The following PRP4K variants were observed in gnomAD, a reference collection of about 807,000 sequenced individuals.
PRP4K encodes pre-mRNA processing factor kinase PRP4K, also known as serine/threonine-protein kinase PRP4 homolog.
the PRP4K span, among the ~76,000 whole-genome samples, chr6:4,023,618 C>G: frequency 2.6e-4 from 39 of 152,324 alleles, no homozygotes; most frequent in East Asian, 6.9e-3. Flanking sequence ...ACTAATTTCT[C>G]AAACCTGATT....
At chr6:4,030,389 G>A in the PRP4K span, among the ~76,000 whole-genome samples, 1 of 152,186 alleles carries the variant, frequency 6.6e-6, no homozygotes, top group South Asian at 2.1e-4. Context: ...ATAATATGAA[G>A]ACCTGACAAA....
chr6:4,048,794 AG>A, the PRP4K span, among the ~76,000 whole-genome samples: 9 of 145,230 alleles, frequency 6.2e-5, no homozygotes, highest in African/African-American at 2.4e-4. Flanking sequence ...CCAGGCTGGG[AG>A]GGGTTTTTGT....
At chr6:4,056,611 C>T in the PRP4K span, 1 of 1,587,046 alleles carries the variant, frequency 6.3e-7, no homozygotes, top group African/African-American at 1.3e-5. Flanking sequence ...TGACAGGAGT[C>T]TTGATCATGT....
chr6:4,044,040 C>T, the PRP4K span: 2 of 1,603,602 alleles, frequency 1.2e-6, no homozygotes, highest in African/African-American at 2.7e-5. Flanking sequence ...GAGTTTTGTC[C>T]TGGCGACGCT....
chr6:4,060,068 T>C, the PRP4K span, among the ~76,000 whole-genome samples: 8 of 152,244 alleles, frequency 5.3e-5, no homozygotes, highest in African/African-American at 1.9e-4. This position sits in a 1 kb window ranked among gnomAD's most constrained non-coding sequence, Gnocchi z 4.7. Flanking sequence ...ATGCGTCACA[T>C]AACCACAGCA....
chr6:4,029,081 G>A, the PRP4K span, among the ~76,000 whole-genome samples: 1 of 145,092 alleles, frequency 6.9e-6, no homozygotes, highest in African/African-American at 2.6e-5. Context: ...GTGCAGTGGT[G>A]TGATCATAGG....
the PRP4K span, among the ~76,000 whole-genome samples, chr6:4,026,251 G>A: frequency 2.7e-5 from 4 of 150,258 alleles, no homozygotes; most frequent in Middle Eastern, 3.5e-3. Context: ...TGATCCACCC[G>A]CCTCAGCCTC....
chr6:4,034,183 CAT>C, the PRP4K span, among the ~76,000 whole-genome samples: 2 of 151,704 alleles, frequency 1.3e-5, no homozygotes, highest in Non-Finnish European at 2.9e-5. Flanking sequence ...AAACTGGAGT[CAT>C]ATTATTCATA....
At chr6:4,059,481 TTA>T in the PRP4K span, among the ~76,000 whole-genome samples, 1 of 152,340 alleles carries the variant, frequency 6.6e-6, no homozygotes, top group South Asian at 2.1e-4. Flanking sequence ...TGTCCCATTA[TTA>T]TAGCATATGT....
chr6:4,046,524 A>G, the PRP4K span, among the ~76,000 whole-genome samples: 6 of 152,200 alleles, frequency 3.9e-5, no homozygotes, highest in East Asian at 1.2e-3. Context: ...TATAGTTGAA[A>G]TATTAACCTT....
the PRP4K span, among the ~76,000 whole-genome samples, chr6:4,055,799 T>G: frequency 6.6e-6 from 1 of 152,258 alleles, no homozygotes; most frequent in African/African-American, 2.4e-5. Flanking sequence ...TTTGAGGGAT[T>G]TAATATTTTT....
chr6:4,022,423 G>A, the PRP4K span, among the ~76,000 whole-genome samples: 1 of 151,422 alleles, frequency 6.6e-6, no homozygotes, highest in Admixed American at 6.6e-5. Context: ...CAGAGAGAAT[G>A]GATTTTACGG....
the PRP4K span, among the ~76,000 whole-genome samples, chr6:4,059,365 C>T: frequency 2.0e-5 from 3 of 152,154 alleles, no homozygotes; most frequent in African/African-American, 7.2e-5. Flanking sequence ...TGCTGCCTCA[C>T]CCCCAACCCC....
the PRP4K span, among the ~76,000 whole-genome samples, chr6:4,034,325 A>G: frequency 1.3e-5 from 2 of 152,298 alleles, no homozygotes; most frequent in South Asian, 4.1e-4. Context: ...ATTGAAACTG[A>G]TGAAAAATTT....
chr6:4,032,771 A>G, the PRP4K span: 5 of 1,541,016 alleles, frequency 3.2e-6, no homozygotes, highest in East Asian at 1.1e-4. Flanking sequence ...TTGTGTACAA[A>G]ATGTTAAAGC....
At chr6:4,031,280 T>C in the PRP4K span, among the ~76,000 whole-genome samples, 7 of 152,360 alleles carry the variant, frequency 4.6e-5, no homozygotes, top group South Asian at 1.4e-3. Flanking sequence ...TCCCTTTTTC[T>C]CTAACCTGTA....
chr6:4,052,208 C>T, the PRP4K span: 2 of 1,207,366 alleles, frequency 1.7e-6, no homozygotes, highest in Non-Finnish European at 2.2e-6. Flanking sequence ...GTTTTATCCA[C>T]ACAGCTCTGG....
At chr6:4,034,630 A>C in the PRP4K span, among the ~76,000 whole-genome samples, 1 of 152,160 alleles carries the variant, frequency 6.6e-6, no homozygotes, top group Non-Finnish European at 1.5e-5. Flanking sequence ...AGAACAAAAA[A>C]CCCAAAAATT....
the PRP4K span, chr6:4,056,613 T>C: frequency 6.3e-7 from 1 of 1,586,056 alleles, no homozygotes; most frequent in Non-Finnish European, 8.5e-7. Flanking sequence ...ACAGGAGTCT[T>C]GATCATGTCG....
Sources: allele counts gnomAD v4.1 joint callset (sites outside exome capture counted in the v4.1 genomes callset), GRCh38; gene constraint gnomAD v4.1.1; non-coding constraint Gnocchi (gnomAD v3.1); transcripts MANE v1.5; gene names NCBI Gene and HGNC (gene_info 2026-07-23, HGNC 2026-07-21).